FLI1: variants seen among roughly 807,000 people sequenced by gnomAD.
The protein encoded by FLI1 is Fli-1 proto-oncogene, ETS transcription factor.
A neutral mutation model predicts 53.1 loss-of-function variants in FLI1; 13 were observed. That is an observed-to-expected ratio of 0.24 (90% CI 0.16 to 0.39). The LOEUF is 0.39. Among genes scored for constraint, FLI1 ranks in the 10% least tolerant of loss-of-function variants. FLI1 has a pLI of 1.00. For missense variants in FLI1, 424 were observed against 600.5 expected (o/e 0.71, Z 3.07); for synonymous variants, 244 against 236.7 (o/e 1.03, Z -0.28).
intron 4 of FLI1, among the ~76,000 whole-genome samples, chr11:128,781,580 G>A (rs1274864386): frequency 6.6e-6 from 1 of 152,146 alleles, no homozygotes; most frequent in Non-Finnish European, 1.5e-5. Flanking sequence ...CTCACCAACT[G>A]TCACATGGTG....
intron 1 of FLI1, among the ~76,000 whole-genome samples, chr11:128,750,084 A>C (rs1940577811): frequency 6.6e-6 from 1 of 152,216 alleles, no homozygotes; most frequent in Non-Finnish European, 1.5e-5. Context: ...TTATGCAAAT[A>C]ATGTAATAAA....
intron 1 of FLI1, among the ~76,000 whole-genome samples, chr11:128,720,559 G>GATGGA (rs1360726112): frequency 1.3e-5 from 2 of 152,166 alleles, no homozygotes; most frequent in Non-Finnish European, 2.9e-5. Flanking sequence ...ATGCAGCCCA[G>GATGGA]ATGGAAGCCC....
At chr11:128,809,072 T>C in intron 7 of FLI1, 85 bp from the exon 8 acceptor site, 15 of 1,087,490 alleles carry the variant, frequency 1.4e-5, no homozygotes, top group Non-Finnish European at 2.1e-5. Context: ...AATAAAAGTA[T>C]AAACCCTTAT....
chr11:128,781,922 AT>A (rs1173274139), intron 4 of FLI1, 35 bp from the exon 5 acceptor site: 1 of 1,552,668 alleles, frequency 6.4e-7, no homozygotes, highest in Non-Finnish European at 8.9e-7. Flanking sequence ...TCAGAAGAAC[AT>A]TTTGGTTATA....
At chr11:128,763,164 C>T (rs1049033112) in intron 2 of FLI1, among the ~76,000 whole-genome samples, 6 of 152,142 alleles carry the variant, frequency 3.9e-5, no homozygotes, top group Non-Finnish European at 7.4e-5. Context: ...GTGTGCGGTG[C>T]ACCTGAAGCT....
At chr11:128,699,403 A>C (rs1321164366) in intron 1 of FLI1, among the ~76,000 whole-genome samples, 1 of 152,220 alleles carries the variant, frequency 6.6e-6, no homozygotes, top group African/African-American at 2.4e-5. Flanking sequence ...TTTTAAGTCT[A>C]TATTTTGCTT....
intron 5 of FLI1, among the ~76,000 whole-genome samples, chr11:128,794,928 T>C (rs1460011617): frequency 6.6e-6 from 1 of 152,048 alleles, no homozygotes; most frequent in African/African-American, 2.4e-5. Context: ...ATAAAAAAAT[T>C]AGCCAGGCAT....
chr11:128,758,400 A>C, intron 2 of FLI1, 74 bp downstream of exon 2: 1 of 1,306,438 alleles, frequency 7.7e-7, no homozygotes, highest in Non-Finnish European at 1.1e-6. Context: ...GGCTTCTGGC[A>C]CTTAAGGTTT....
At chr11:128,807,287 T>C in intron 7 of FLI1, 48 bp downstream of exon 7, 4 of 1,364,182 alleles carry the variant, frequency 2.9e-6, no homozygotes, top group Non-Finnish European at 1.0e-6. Flanking sequence ...TGCACAGTTG[T>C]TGATTTCACA....
chr11:128,750,461 T>C (rs750302969), intron 1 of FLI1, among the ~76,000 whole-genome samples: 7 of 152,358 alleles, frequency 4.6e-5, no homozygotes, highest in Admixed American at 1.3e-4. Flanking sequence ...TTCTGGCATT[T>C]TTCCTCCTCT....
At chr11:128,805,110 A>T (rs1352027006) in intron 5 of FLI1, 4 of 377,464 alleles carry the variant, frequency 1.1e-5, no homozygotes, top group African/African-American at 2.1e-5. Flanking sequence ...CAGGAAGAGA[A>T]CTTGAACCAA....
At chr11:128,803,266 T>C (rs955805382) in intron 5 of FLI1, among the ~76,000 whole-genome samples, 2 of 152,142 alleles carry the variant, frequency 1.3e-5, no homozygotes, top group Non-Finnish European at 2.9e-5. Context: ...CCACACCCTG[T>C]TTTCTAGCAT....
intron 1 of FLI1, among the ~76,000 whole-genome samples, chr11:128,749,080 TC>T (rs1218720921): frequency 6.6e-6 from 1 of 152,040 alleles, no homozygotes; most frequent in African/African-American, 2.4e-5. Context: ...TGAGATCGAT[TC>T]CCCCCTCACT....
At chr11:128,747,788 C>G (rs1940464187) in intron 1 of FLI1, among the ~76,000 whole-genome samples, 1 of 152,220 alleles carries the variant, frequency 6.6e-6, no homozygotes, top group African/African-American at 2.4e-5. Flanking sequence ...AGCCACTGGA[C>G]AGTGGACAGA....
intron 1 of FLI1, chr11:128,748,203 T>G: frequency 1.1e-6 from 1 of 921,720 alleles, no homozygotes; most frequent in Non-Finnish European, 1.3e-6. Flanking sequence ...ATAAAGTACT[T>G]TCGTCTGCAA....
chr11:128,721,543 T>C (rs976526574), intron 1 of FLI1, among the ~76,000 whole-genome samples: 1 of 152,174 alleles, frequency 6.6e-6, no homozygotes, highest in Admixed American at 6.5e-5. Context: ...AGTCTCACAG[T>C]CCAGCTGCTG....
intron 5 of FLI1, chr11:128,804,524 C>T (rs754315751): frequency 4.6e-5 from 7 of 152,268 alleles, no homozygotes; most frequent in Non-Finnish European, 8.8e-5. Flanking sequence ...CACAAAAGTT[C>T]GATTTGAGGA....
chr11:128,727,773 G>A (rs550172475), intron 1 of FLI1, among the ~76,000 whole-genome samples: 1 of 152,204 alleles, frequency 6.6e-6, no homozygotes, highest in Non-Finnish European at 1.5e-5. Context: ...CTGGCTCTCA[G>A]GAACCTCATG....
At chr11:128,735,603 A>AT (rs1205267125) in intron 1 of FLI1, among the ~76,000 whole-genome samples, 2 of 152,246 alleles carry the variant, frequency 1.3e-5, no homozygotes, top group African/African-American at 2.4e-5. Flanking sequence ...TAATCCTCAC[A>AT]TTATCCACAT....
Sources: allele counts gnomAD v4.1 joint callset (sites outside exome capture counted in the v4.1 genomes callset), GRCh38; gene constraint gnomAD v4.1.1; transcripts MANE v1.5; gene names NCBI Gene and HGNC (gene_info 2026-07-23, HGNC 2026-07-21).